Variants in TBC1D23 observed in about 807,000 individuals in gnomAD.
TBC1D23 encodes HCV non-structural protein 4A-transactivated protein 1.
Under a neutral mutation model 91.4 loss-of-function variants are expected in TBC1D23, and 55 were observed. The observed-to-expected ratio is 0.60, with a 90% CI of 0.48 to 0.75. TBC1D23 has a LOEUF of 0.75. TBC1D23 is among the 30% of genes least tolerant of loss of function. The probability of loss-of-function intolerance (pLI) is 0.00; values close to 1 mark genes in which losing one functional copy is unlikely to be tolerated. For synonymous variants in TBC1D23, 289 were observed against 281.0 expected (o/e 1.03, Z -0.28); for missense variants, 725 against 836.1 (o/e 0.87, Z 1.64).
intron 1 of TBC1D23, among the ~76,000 whole-genome samples, chr3:100,273,499 C>G (rs4928121): frequency 6.6e-6 from 1 of 152,160 alleles, no homozygotes; most frequent in South Asian, 2.1e-4. Context: ...TGACATTCTT[C>G]ACAAAACTAG....
chr3:100,273,847 C>T (rs2067623352), intron 1 of TBC1D23, among the ~76,000 whole-genome samples: 1 of 152,102 alleles, frequency 6.6e-6, no homozygotes, highest in African/African-American at 2.4e-5. Flanking sequence ...CTTCTTTACA[C>T]TATATACAAA....
intron 11 of TBC1D23, 136 bp downstream of exon 11, chr3:100,302,373 T>C (rs1208686055): frequency 1.6e-6 from 1 of 606,980 alleles, no homozygotes; most frequent in African/African-American, 1.9e-5. Flanking sequence ...CTTCTCCAGA[T>C]TTTTCTCATA....
chr3:100,298,844 T>C (rs188660746), intron 9 of TBC1D23, among the ~76,000 whole-genome samples: 2 of 152,226 alleles, frequency 1.3e-5, no homozygotes, highest in African/African-American at 4.8e-5. Flanking sequence ...GTTTAGTTCT[T>C]ACGTGAATTG....
At chr3:100,316,305 T>TC (rs1705743996) in intron 16 of TBC1D23, 118 bp downstream of exon 16, 1 of 733,382 alleles carries the variant, frequency 1.4e-6, no homozygotes, top group East Asian at 2.7e-5. Flanking sequence ...GTAGAAATAA[T>TC]TGGAGAATCT....
intron 1 of TBC1D23, among the ~76,000 whole-genome samples, chr3:100,262,530 G>A (rs946937484): frequency 1.1e-4 from 16 of 152,056 alleles, no homozygotes; most frequent in African/African-American, 3.9e-4. Flanking sequence ...TTCCAGACCA[G>A]CCTGACCAAC....
rs112454335 is a variant in TBC1D23, at chr3:100,267,662, A to C, written c.53+6591A>C. 8.5e-4 allele frequency among the ~76,000 whole-genome samples: 130 copies of C among 152,330 alleles called. 1 individual carries two copies. Among genetic ancestry groups the C allele is most frequent in the African/African-American group, 3.0e-3 (124 of 41,578 alleles). On this transcript the variant is annotated intron_variant, in intron 1 of 18. Coordinates refer to ENST00000394144, the MANE Select transcript of TBC1D23 (RefSeq NM_001199198.3). ...TTGAGCATCCCTAATCAAAAATCTG[A>C]AATCCATAATGCTCCAATGAGCATT...
intron 3 of TBC1D23, among the ~76,000 whole-genome samples, chr3:100,282,334 G>C (rs373282208): frequency 6.6e-6 from 1 of 151,902 alleles, no homozygotes; most frequent in East Asian, 1.9e-4. Flanking sequence ...AGATAACCTA[G>C]TTTTTACTGT....
intron 3 of TBC1D23, among the ~76,000 whole-genome samples, chr3:100,282,482 A>G (rs1227496836): frequency 6.6e-6 from 1 of 152,224 alleles, no homozygotes; most frequent in African/African-American, 2.4e-5. Context: ...AAGTTTATCT[A>G]TAAATCATAG....
rs767415638 is a variant in TBC1D23 at position 100,261,095 on chromosome 3, T to G, written c.53+24T>G. The G allele has an allele frequency of 6.8e-6, 11 of 1,606,368 alleles. No homozygotes were observed. In the Admixed American group the frequency reaches 1.8e-4, roughly 27 times the overall value. ...TGGTGAGTGAAAGCCGGGGCTAATTTCCAATGCCCCTTTATTCTTCCTTCT... is the reference window on the plus strand; with the variant it reads ...TGGTGAGTGAAAGCCGGGGCTAATTGCCAATGCCCCTTTATTCTTCCTTCT... On this transcript the variant is annotated intron_variant, in intron 1 of 18. Coordinates refer to ENST00000394144, the MANE Select transcript of TBC1D23 (RefSeq NM_001199198.3).
intron 1 of TBC1D23, among the ~76,000 whole-genome samples, chr3:100,276,074 A>G (rs1240467901): frequency 6.8e-6 from 1 of 147,502 alleles, no homozygotes; most frequent in Non-Finnish European, 1.5e-5. Flanking sequence ...TTAAGTGCAG[A>G]AAGATACTTG....
At chr3:100,306,648 A>G (rs769586640) in intron 13 of TBC1D23, 105 bp downstream of exon 13, 12 of 626,802 alleles carry the variant, frequency 1.9e-5, no homozygotes, top group Non-Finnish European at 3.5e-5. Context: ...AAACATTTCA[A>G]ACACATGCAA....
chr3:100,272,153 C>T (rs1223549980), intron 1 of TBC1D23, among the ~76,000 whole-genome samples: 5 of 152,134 alleles, frequency 3.3e-5, no homozygotes, highest in Non-Finnish European at 7.3e-5. Flanking sequence ...ATACTGTAAA[C>T]CTTTAAAATA....
chr3:100,284,018 G>C (rs2067719642), intron 4 of TBC1D23: 2 of 502,866 alleles, frequency 4.0e-6, no homozygotes, highest in South Asian at 6.5e-5. Context: ...TTCTGAAACA[G>C]TGGTTATACT....
intron 12 of TBC1D23, among the ~76,000 whole-genome samples, chr3:100,305,167 CTA>C (rs1320149839): frequency 6.6e-6 from 1 of 152,060 alleles, no homozygotes; most frequent in African/African-American, 2.4e-5. Context: ...ATGATTGCCT[CTA>C]TGGAGAAGAA....
In TBC1D23 at chr3:100,274,942, T is replaced by C. The variant is rs145823779; in HGVS notation, c.54-4707T>C. On this transcript the variant is annotated intron_variant, in intron 1 of 18. Coordinates refer to ENST00000394144, the MANE Select transcript of TBC1D23 (RefSeq NM_001199198.3). ...ATTCATCCCTCAGTGAACGGACACTTGGGTTGCATTCACCTTTGGGCTACT... is the reference window on the plus strand; with the variant it reads ...ATTCATCCCTCAGTGAACGGACACTCGGGTTGCATTCACCTTTGGGCTACT... 4.9e-3 allele frequency among the ~76,000 whole-genome samples: 708 copies of C among 145,854 alleles called. 2 individuals carry two copies. Among genetic ancestry groups the C allele is most frequent in the South Asian group, 7.4e-3 (30 of 4,056 alleles).
chr3:100,280,934 T>G (rs1179230906), intron 2 of TBC1D23, among the ~76,000 whole-genome samples: 1 of 152,066 alleles, frequency 6.6e-6, no homozygotes, highest in Non-Finnish European at 1.5e-5. Context: ...TTGAGGCAGG[T>G]GGATCACCTG....
At chr3:100,262,723 C>CAAAAAAAA (rs1174689237) in intron 1 of TBC1D23, among the ~76,000 whole-genome samples, 6 of 51,398 alleles carry the variant, frequency 1.2e-4, no homozygotes, top group Non-Finnish European at 1.0e-4. Context: ...GGCTCGGTCT[C>CAAAAAAAA]AAAAAAAAAA....
intron 10 of TBC1D23, among the ~76,000 whole-genome samples, chr3:100,301,287 A>AG: frequency 6.6e-6 from 1 of 151,940 alleles, no homozygotes; most frequent in Non-Finnish European, 1.5e-5. Flanking sequence ...AAAAAAAAAA[A>AG]AAAATGGTGG....
chr3:100,294,003 T>C (rs1228077416), intron 5 of TBC1D23, among the ~76,000 whole-genome samples: 3 of 152,212 alleles, frequency 2.0e-5, no homozygotes, highest in East Asian at 1.9e-4. Flanking sequence ...TATGTGATAA[T>C]AGTTTAGTAT....
Sources: allele counts gnomAD v4.1 joint callset (sites outside exome capture counted in the v4.1 genomes callset), GRCh38; gene constraint gnomAD v4.1.1; transcripts MANE v1.5; gene names NCBI Gene and HGNC (gene_info 2026-07-23, HGNC 2026-07-21).